LGR6: variants seen among roughly 807,000 people sequenced by gnomAD.
LGR6 encodes leucine rich repeat containing G protein-coupled receptor 6.
In LGR6, 45 loss-of-function variants were observed where a neutral mutation model predicts 69.4. The observed-to-expected ratio is 0.65, with a 90% CI of 0.51 to 0.83. The LOEUF is 0.83. LGR6 is among the 40% of genes least tolerant of loss of function. The pLI is 0.00. For missense variants in LGR6, 1,108 were observed against 1,246.7 expected, an observed-to-expected ratio of 0.89 and a Z score of 1.68; for synonymous variants, 538 against 555.0, an observed-to-expected ratio of 0.97 and a Z score of 0.43.
intron 4 of LGR6, among the ~76,000 whole-genome samples, chr1:202,254,986 G>A (rs953732826): frequency 6.6e-6 from 1 of 152,204 alleles, no homozygotes; most frequent in African/African-American, 2.4e-5. Context: ...TGAAGGCAGC[G>A]AATTGGGGGC....
rs550159874 is a variant in LGR6 at position 202,253,364 on chromosome 1, G to A, written c.428+17371G>A. ...ATTGCCTAGGCTGGAGGGCAGTGGCGCGATCTCGGCTCACTGCAATCTCCG... is the reference window on the plus strand; with the variant it reads ...ATTGCCTAGGCTGGAGGGCAGTGGCACGATCTCGGCTCACTGCAATCTCCG... On this transcript the variant is annotated intron_variant, in intron 4 of 17. Coordinates refer to ENST00000367278, the MANE Select transcript of LGR6 (RefSeq NM_001017403.2). Among the ~76,000 whole-genome samples, 36 of 151,020 alleles carry A rather than the reference G, an allele frequency of 2.4e-4. 1 individual carries two copies. The highest frequency in any genetic ancestry group is 6.3e-4 in the African/African-American group (26 of 41,072).
intron 6 of LGR6, among the ~76,000 whole-genome samples, chr1:202,287,282 C>A (rs1282855412): frequency 6.6e-6 from 1 of 152,272 alleles, no homozygotes; most frequent in Non-Finnish European, 1.5e-5. Context: ...AAAGTGTAGT[C>A]CCTGCTATCA....
intron 6 of LGR6, among the ~76,000 whole-genome samples, chr1:202,290,083 A>G (rs1261796005): frequency 1.3e-5 from 2 of 152,236 alleles, no homozygotes; most frequent in African/African-American, 2.4e-5. Flanking sequence ...TGTCTGTTCT[A>G]GTAGCTTATG....
chr1:202,228,978 G>A (rs1660791164), intron 3 of LGR6, among the ~76,000 whole-genome samples: 1 of 152,140 alleles, frequency 6.6e-6, no homozygotes, highest in African/African-American at 2.4e-5. Context: ...AGAGCATCTG[G>A]TTAAGGAAGT....
At chr1:202,223,147 C>T (rs1660284076) in intron 1 of LGR6, among the ~76,000 whole-genome samples, 1 of 152,184 alleles carries the variant, frequency 6.6e-6, no homozygotes, top group South Asian at 2.1e-4. Context: ...CTCTCTCCCA[C>T]CTGAAACTAT....
At position 202,304,611 on chromosome 1, in the gene LGR6, C is replaced by T. The variant is rs1667846822; in HGVS notation, c.1051C>T (p.Leu351=). 6.2e-7 allele frequency: 1 copy of T among 1,610,786 alleles called. No homozygotes were observed. Among genetic ancestry groups the T allele is most frequent in the Non-Finnish European group, 8.5e-7 (1 of 1,177,562 alleles). The change falls in exon 11 of 18, where the codon CTG becomes TTG. Residue 351 remains leucine (L), a synonymous_variant. Coordinates refer to ENST00000367278, the MANE Select transcript of LGR6 (RefSeq NM_001017403.2). ...GCTCCCATCGGGGATGTGCCAACAG[C>T]TGCCCAGGCTCCGAGTCCTGTGAGT... is the stretch of plus-strand genomic sequence containing the variant. The part of the protein sequence containing the change: ...RLLPSGMCQQ[L]PRLRVLELSH...
At chr1:202,266,122 AT>A (rs1420887135) in intron 4 of LGR6, among the ~76,000 whole-genome samples, 37 of 146,272 alleles carry the variant, frequency 2.5e-4, no homozygotes, top group Non-Finnish European at 6.1e-5. Context: ...AAAAAAAAAA[AT>A]AACAGGCAGC....
At chr1:202,231,754 AC>A (rs1415637203) in intron 3 of LGR6, among the ~76,000 whole-genome samples, 1 of 152,080 alleles carries the variant, frequency 6.6e-6, no homozygotes, top group Non-Finnish European at 1.5e-5. Context: ...TCAGCACATT[AC>A]CCCTCTACAT....
At chr1:202,254,029 TCTC>T (rs2089585369) in intron 4 of LGR6, among the ~76,000 whole-genome samples, 1 of 149,860 alleles carries the variant, frequency 6.7e-6, no homozygotes, top group Non-Finnish European at 1.5e-5. Context: ...ATGGTCTCGA[TCTC>T]CTGACCTCGT....
intron 16 of LGR6, among the ~76,000 whole-genome samples, chr1:202,312,105 G>T (rs1229037143): frequency 6.6e-6 from 1 of 152,234 alleles, no homozygotes; most frequent in East Asian, 1.9e-4. Context: ...GAACCACAGG[G>T]CGTCAAGATC....
intron 1 of LGR6, among the ~76,000 whole-genome samples, chr1:202,224,966 T>C (rs74136765): frequency 0.01 from 1,547 of 152,340 alleles, 32 homozygotes; most frequent in African/African-American, 0.035. Flanking sequence ...GCCTGCTCCA[T>C]AGATTGAAAT....
intron 4 of LGR6, among the ~76,000 whole-genome samples, chr1:202,275,037 A>G (rs1295283727): frequency 1.3e-5 from 2 of 152,188 alleles, no homozygotes; most frequent in Non-Finnish European, 2.9e-5. Flanking sequence ...GCTCAGGGAA[A>G]AGACAGAAGC....
intron 1 of LGR6, among the ~76,000 whole-genome samples, chr1:202,211,955 T>C (rs1659478263): frequency 6.6e-6 from 1 of 152,214 alleles, no homozygotes; most frequent in African/African-American, 2.4e-5. Context: ...CTTCTTTTCC[T>C]CACCATGTTT....
rs1182820053 is a variant in LGR6, at chr1:202,318,225, G to T, written c.1922G>T (p.Gly641Val). 1 of 1,612,066 alleles carries T rather than the reference G, an allele frequency of 6.2e-7. No individual in the cohort carries two copies. The highest frequency in any genetic ancestry group is 1.7e-5 in the Admixed American group (1 of 59,952). The stretch of plus-strand genomic sequence containing the variant: ...GGAGCCCGCTGGGAGACGGGGCTAG[G>T]CTGCCGGGCCACTGGCTTCCTGGCA... The part of the protein sequence containing the change: ...EYGARWETGL[G>V]CRATGFLAVL... Residue 641 changes from glycine (G) to valine (V), a missense_variant, in exon 18 of 18, where the codon GGC becomes GTC. Physicochemically the swap from Gly to Val is moderately radical, Grantham distance 109. Coordinates refer to ENST00000367278, the MANE Select transcript of LGR6 (RefSeq NM_001017403.2).
chr1:202,199,446 C>T (rs188810562), intron 1 of LGR6, among the ~76,000 whole-genome samples: 1 of 152,316 alleles, frequency 6.6e-6, no homozygotes, highest in East Asian at 1.9e-4. Context: ...CAGGAAACAG[C>T]CCTAGGCAAA....
intron 17 of LGR6, among the ~76,000 whole-genome samples, chr1:202,317,511 A>C (rs1307121652): frequency 6.6e-6 from 1 of 151,730 alleles, no homozygotes; most frequent in East Asian, 1.9e-4. Context: ...CACCCAGCTA[A>C]TTTTTTGTAT....
chr1:202,197,332 T>C (rs1018328213), intron 1 of LGR6: 3 of 512,988 alleles, frequency 5.8e-6, no homozygotes, highest in African/African-American at 2.0e-5. Flanking sequence ...CAAAAACTAT[T>C]ACCACTTTTG....
Position 202,319,351 on chromosome 1 carries a change from A to T in LGR6, c.*144A>T, listed in dbSNP as rs1025974720. On this transcript the variant is annotated 3_prime_UTR_variant, in exon 18 of 18. Coordinates refer to ENST00000367278, the MANE Select transcript of LGR6 (RefSeq NM_001017403.2). ...GGCCCAGTCCCTGGCTCCACTGATCACCTCTCTCCTGTGACCATCACCAAC... is the reference window on the plus strand; with the variant it reads ...GGCCCAGTCCCTGGCTCCACTGATCTCCTCTCTCCTGTGACCATCACCAAC... The T allele has an allele frequency of 2.0e-5, 18 of 880,442 alleles. No individual in the cohort carries two copies. The highest frequency in any genetic ancestry group is 2.8e-5 in the Non-Finnish European group (17 of 604,058). The allele number at this position is 880,442 out of a possible 1,614,324, so 54.5% of individuals were successfully genotyped here.
intron 1 of LGR6, among the ~76,000 whole-genome samples, chr1:202,204,881 CCTT>C (rs1260630566): frequency 4.0e-5 from 1 of 25,132 alleles, no homozygotes; most frequent in African/African-American, 1.6e-4. Context: ...ACACACACCT[CCTT>C]CAAACACACA....
Sources: gnomAD v4.1 joint callset for allele counts (sites outside exome capture counted in the v4.1 genomes callset) on GRCh38, gnomAD v4.1.1 for gene constraint, MANE v1.5 for transcripts, NCBI Gene and HGNC (gene_info 2026-07-23, HGNC 2026-07-21) for gene names.